Variants in SNX31 observed in about 807,000 individuals in gnomAD.
SNX31 encodes the protein sorting nexin 31.
SNX31 carries 58 observed loss-of-function variants against 65.4 expected under a neutral mutation model. The ratio of observed to expected loss-of-function variants is 0.89; its 90% CI spans 0.72 to 1.10. SNX31 has a LOEUF of 1.10. Ranked by LOEUF, SNX31 falls within the 50% of genes least tolerant of loss-of-function variation. The pLI, the probability that SNX31 is intolerant of heterozygous loss-of-function variation, is 0.00. For synonymous variants in SNX31, 181 were observed against 190.1 expected, an observed-to-expected ratio of 0.95 and a Z score of 0.39; for missense variants, 523 against 529.7, an observed-to-expected ratio of 0.99 and a Z score of 0.12.
Position 100,604,179 on chromosome 8 carries a change from G to C in SNX31, c.682-3738C>G, listed in dbSNP as rs1208559044. Among the ~76,000 whole-genome samples the C allele has an allele frequency of 6.6e-6, 1 of 152,176 alleles. No individual in the cohort carries two copies. Among genetic ancestry groups the C allele is most frequent in the African/African-American group, 2.4e-5 (1 of 41,418 alleles). ...CTAGACAAGTCTACTCAGTTACACG[G>C]TTCCCTGAACACTGGCTGAGAGGGG... is the stretch of plus-strand genomic sequence containing the variant. On this transcript the variant is annotated intron_variant, in intron 8 of 13. Coordinates refer to ENST00000311812, the MANE Select transcript of SNX31 (RefSeq NM_152628.4). This position sits in a 1 kb window ranked among gnomAD's most constrained non-coding sequence, Gnocchi z 4.3.
In SNX31 at chr8:100,604,392, A is replaced by C. The variant is rs960652877; in HGVS notation, c.682-3951T>G. ...GGCACAGTAGTGAGAAATAGAGGTC[A>C]TATGCCTCTCAAAGGCCGGCACTGG... On this transcript the variant is annotated intron_variant, in intron 8 of 13. Coordinates refer to ENST00000311812, the MANE Select transcript of SNX31 (RefSeq NM_152628.4). This position sits in a 1 kb window ranked among gnomAD's most constrained non-coding sequence, Gnocchi z 4.3. Among the ~76,000 whole-genome samples, 1 of 152,264 alleles carries C rather than the reference A, an allele frequency of 6.6e-6. No homozygotes were observed. Among genetic ancestry groups the C allele is most frequent in the Non-Finnish European group, 1.5e-5 (1 of 68,044 alleles).
At chr8:100,596,398 A>G (rs567365795) in intron 10 of SNX31, among the ~76,000 whole-genome samples, 1 of 152,220 alleles carries the variant, frequency 6.6e-6, no homozygotes, top group African/African-American at 2.4e-5. Context: ...CCACCCTTCA[A>G]GCAGTAGGGA....
At chr8:100,659,212 G>C (rs548806271) in intron 1 of SNX31, among the ~76,000 whole-genome samples, 1 of 152,032 alleles carries the variant, frequency 6.6e-6, no homozygotes, top group Non-Finnish European at 1.5e-5. Context: ...CGGGCCTGGT[G>C]GTGGGCACCT....
chr8:100,581,325 C>CTATATATATATATATATATA (rs1401988460), intron 12 of SNX31, among the ~76,000 whole-genome samples: 2 of 129,356 alleles, frequency 1.5e-5, no homozygotes, highest in African/African-American at 3.5e-5. Context: ...ATATCTATAT[C>CTATATATATATATATATATA]TATCTATCTA....
At chr8:100,638,593 T>C (rs890393747) in intron 2 of SNX31, among the ~76,000 whole-genome samples, 4 of 152,264 alleles carry the variant, frequency 2.6e-5, no homozygotes, top group Non-Finnish European at 4.4e-5. Flanking sequence ...AGCAGTTATT[T>C]GTGTGACTTA....
In SNX31 at chr8:100,604,803, C is replaced by A. The variant is rs1221218194; in HGVS notation, c.681+3691G>T. ...GCACATCTGCTTTAGAAAATCAAAG[C>A]TGTGCCCCTTAATAGTTAATTATGA... On this transcript the variant is annotated intron_variant, in intron 8 of 13. Transcript: ENST00000311812. This position sits in a 1 kb window ranked among gnomAD's most constrained non-coding sequence, Gnocchi z 4.3. Among the ~76,000 whole-genome samples, 1 of 152,232 alleles carries A rather than the reference C, an allele frequency of 6.6e-6. No homozygotes were observed. The highest frequency in any genetic ancestry group is 6.5e-5 in the Admixed American group (1 of 15,282).
At chr8:100,583,278 G>A (rs916287719) in intron 12 of SNX31, among the ~76,000 whole-genome samples, 3 of 151,612 alleles carry the variant, frequency 2.0e-5, no homozygotes, top group Admixed American at 1.3e-4. Context: ...AGTTAATTTC[G>A]TATATTTAGT....
rs569154976 is a variant in SNX31, at chr8:100,607,445, A to G, written c.681+1049T>C. On this transcript the variant is annotated intron_variant, in intron 8 of 13. Coordinates refer to ENST00000311812, the MANE Select transcript of SNX31 (RefSeq NM_152628.4). ...GGAACTGAGGCCAAGCTCGAAATTT[A>G]CTTTATTAGAGGCTGGGGGTAGGAG... Among the ~76,000 whole-genome samples the G allele has an allele frequency of 1.0e-3, 153 of 152,262 alleles. 1 individual carries two copies. Among genetic ancestry groups the G allele is most frequent in the African/African-American group, 3.5e-3 (147 of 41,554 alleles).
At chr8:100,593,795 A>G (rs1320871347) in intron 10 of SNX31, among the ~76,000 whole-genome samples, 1 of 152,162 alleles carries the variant, frequency 6.6e-6, no homozygotes. Flanking sequence ...ACAAAAATTA[A>G]CTGAAAATGG....
At chr8:100,651,321 C>T (rs1249472090), upstream of SNX31, among the ~76,000 whole-genome samples, 1 of 152,178 alleles carries the variant, frequency 6.6e-6, no homozygotes, top group Non-Finnish European at 1.5e-5. Flanking sequence ...CCTCTTGGGA[C>T]AAAGCCTGAT....
At chr8:100,586,520 T>C (rs1814065536) in intron 11 of SNX31, among the ~76,000 whole-genome samples, 1 of 152,184 alleles carries the variant, frequency 6.6e-6, no homozygotes, top group East Asian at 1.9e-4. Flanking sequence ...AAAATCATAG[T>C]AAAATTTAAC....
chr8:100,662,391 C>G (rs927903281), intron 1 of SNX31, among the ~76,000 whole-genome samples: 4 of 152,152 alleles, frequency 2.6e-5, no homozygotes, highest in Admixed American at 6.5e-5. Context: ...TTGCAGCACC[C>G]AAGCTCTTAA....
intron 1 of SNX31, among the ~76,000 whole-genome samples, chr8:100,658,760 T>C (rs752693161): frequency 5.3e-5 from 8 of 152,198 alleles, no homozygotes; most frequent in Admixed American, 2.0e-4. Flanking sequence ...GTGTGGACTT[T>C]GTGTAAGCAC....
chr8:100,640,660 C>T lies in SNX31; in HGVS notation c.142-4649G>A, dbSNP rs75355849. Among the ~76,000 whole-genome samples the T allele has an allele frequency of 2.8e-3, 422 of 152,200 alleles. 2 individuals are homozygous for T. The highest frequency in any genetic ancestry group is 6.8e-3 in the Middle Eastern group (2 of 294). On this transcript the variant is annotated intron_variant, in intron 2 of 13. Transcript: ENST00000311812. Reference sequence around the variant, plus strand: ...TACTCTTGATACGATGTGATTAGTGCGGCACTTTATCTCTGGGGTCTTCAT... The same window carrying T: ...TACTCTTGATACGATGTGATTAGTGTGGCACTTTATCTCTGGGGTCTTCAT...
chr8:100,596,910 G>A, intron 9 of SNX31, 68 bp from the exon 10 acceptor site: 1 of 1,338,952 alleles, frequency 7.5e-7, no homozygotes, highest in South Asian at 1.2e-5. Flanking sequence ...TGAAACAGAT[G>A]AAAACCTCAT....
chr8:100,581,414 C>T (rs1314567011), intron 12 of SNX31, among the ~76,000 whole-genome samples: 3 of 149,630 alleles, frequency 2.0e-5, no homozygotes, highest in African/African-American at 7.5e-5. Context: ...TTCTTTAGTG[C>T]ATTTGCTTGA....
chr8:100,639,677 TAC>T (rs1819020526), intron 2 of SNX31, among the ~76,000 whole-genome samples: 3 of 152,202 alleles, frequency 2.0e-5, no homozygotes, highest in Non-Finnish European at 2.9e-5. Flanking sequence ...TGGGTTTGTA[TAC>T]ACACATATAT....
chr8:100,573,926 C>A lies in SNX31; in HGVS notation c.1262G>T (p.Ser421Ile). Residue 421 changes from serine (S) to isoleucine (I), a missense_variant, in exon 14 of 14, where the codon AGC (serine) becomes ATC (isoleucine). Transcript: ENST00000311812. ...GTCATCTTTAGCTATCTTAATCTTG[C>A]TTTTTCTTGATAGAAAACTAGAATA... ...KDYSSFLSRK[S>I]KIKIAKDDCV... 1 of 1,586,830 alleles carries A rather than the reference C, an allele frequency of 6.3e-7. No homozygotes were observed. Among genetic ancestry groups the A allele is most frequent in the South Asian group, 1.1e-5 (1 of 87,154 alleles).
chr8:100,662,114 C>T (rs903186457), intron 1 of SNX31, among the ~76,000 whole-genome samples: 5 of 152,190 alleles, frequency 3.3e-5, no homozygotes, highest in Non-Finnish European at 7.3e-5. Context: ...CATGAACCAC[C>T]GTGCTCAGCC....
Sources: gnomAD v4.1 joint callset for allele counts (sites outside exome capture counted in the v4.1 genomes callset) on GRCh38, gnomAD v4.1.1 for gene constraint, Gnocchi (gnomAD v3.1) non-coding constraint, MANE v1.5 for transcripts, NCBI Gene and HGNC (gene_info 2026-07-23, HGNC 2026-07-21) for gene names.